The following CFAP61 variants were observed in gnomAD, a reference collection of about 807,000 sequenced individuals.
CFAP61 encodes cilia and flagella associated protein 61.
Under a neutral mutation model 135.6 loss-of-function variants are expected in CFAP61, and 107 were observed. That is an observed-to-expected ratio of 0.79 (90% CI 0.67 to 0.93). The LOEUF (loss-of-function observed/expected upper bound fraction) is 0.93, where lower values mean the gene tolerates loss of function less well. CFAP61 is among the 40% of genes least tolerant of loss of function. The pLI, the probability that CFAP61 is intolerant of heterozygous loss-of-function variation, is 0.00. For synonymous variants in CFAP61, 575 were observed against 578.5 expected (o/e 0.99, Z 0.09); for missense variants, 1,507 against 1,556.2 (o/e 0.97, Z 0.53).
intron 8 of CFAP61, among the ~76,000 whole-genome samples, chr20:20,121,282 T>A (rs1261067811): frequency 6.6e-6 from 1 of 151,512 alleles, no homozygotes; most frequent in African/African-American, 2.4e-5. Flanking sequence ...ATTTTTTTTT[T>A]ATTTTTAGTA....
At chr20:20,268,479 A>T (rs1221084432) in intron 21 of CFAP61, among the ~76,000 whole-genome samples, 1 of 152,234 alleles carries the variant, frequency 6.6e-6, no homozygotes, top group African/African-American at 2.4e-5. Context: ...TCCTTCCCAC[A>T]GTCACTGTTG....
intron 8 of CFAP61, among the ~76,000 whole-genome samples, chr20:20,123,216 A>G (rs6046640): frequency 0.62 from 93,229 of 151,318 alleles, 29,187 homozygotes; most frequent in East Asian, 0.83. Context: ...CCCTCTCTGT[A>G]GGTTGTCTGT....
At chr20:20,327,172 T>C (rs2057781287) in intron 25 of CFAP61, among the ~76,000 whole-genome samples, 1 of 152,202 alleles carries the variant, frequency 6.6e-6, no homozygotes, top group Admixed American at 6.5e-5. Context: ...TTGGAATTTC[T>C]TTGACAGATG....
At chr20:20,357,925 G>A (rs2059304911) in intron 26 of CFAP61, among the ~76,000 whole-genome samples, 1 of 133,418 alleles carries the variant, frequency 7.5e-6, no homozygotes, top group East Asian at 2.4e-4. Context: ...GAGGGGAGGT[G>A]GTCACACTGA....
In CFAP61 at chr20:20,056,783, A is replaced by G. The variant is rs1185075126; in HGVS notation, c.130A>G (p.Ile44Val). ...FTCKLFGKLN[I>V]IYLLEKANLA... is the part of the protein sequence containing the mutation. ...CTGCAAGCTGTTTGGGAAGCTAAAT[A>G]TCATCTATCTTCTGTAAGTAGATAA... Residue 44 changes from isoleucine (I) to valine (V), a missense_variant, in exon 2 of 27, where the codon ATC becomes GTC. Coordinates refer to ENST00000245957, the MANE Select transcript of CFAP61 (RefSeq NM_015585.4). The G allele has an allele frequency of 6.2e-7, 1 of 1,613,960 alleles. No individual in the cohort carries two copies. The highest frequency in any genetic ancestry group is 1.1e-5 in the South Asian group (1 of 91,086).
At position 20,174,316 on chromosome 20, in the gene CFAP61, G is replaced by C. The variant is rs561569149; in HGVS notation, c.1385+4856G>C. On this transcript the variant is annotated intron_variant, in intron 13 of 26. Transcript: ENST00000245957. ...GTTTCCCTGCCTGTGCACCTCTGTAGCTTCTCTGAGTGCCATGGTTGTGTC... is the reference window on the plus strand; with the variant it reads ...GTTTCCCTGCCTGTGCACCTCTGTACCTTCTCTGAGTGCCATGGTTGTGTC... 5.8e-4 allele frequency among the ~76,000 whole-genome samples: 89 copies of C among 152,256 alleles called. 1 individual carries two copies. Among genetic ancestry groups the C allele is most frequent in the African/African-American group, 2.1e-3 (87 of 41,554 alleles).
intron 21 of CFAP61, among the ~76,000 whole-genome samples, chr20:20,274,652 T>C (rs1436606964): frequency 6.6e-6 from 1 of 151,970 alleles, no homozygotes; most frequent in Non-Finnish European, 1.5e-5. Flanking sequence ...CAGGCGAGAC[T>C]CTGTCTCGAA....
At chr20:20,303,803 C>T (rs150667956) in intron 25 of CFAP61, among the ~76,000 whole-genome samples, 11 of 152,210 alleles carry the variant, frequency 7.2e-5, no homozygotes, top group Admixed American at 2.6e-4. Flanking sequence ...CCGCTGCTGC[C>T]GGGAGGGCTG....
chr20:20,203,194 A>G (rs1018506467), intron 17 of CFAP61, among the ~76,000 whole-genome samples: 5 of 152,216 alleles, frequency 3.3e-5, no homozygotes, highest in East Asian at 1.9e-4. Context: ...CCTAGAAAAC[A>G]TAAATGATTT....
chr20:20,262,783 G>A (rs966782863), intron 20 of CFAP61, among the ~76,000 whole-genome samples, 173 bp from the exon 21 acceptor site: 3 of 145,090 alleles, frequency 2.1e-5, no homozygotes, highest in African/African-American at 7.8e-5. Flanking sequence ...GTTTCTAGGT[G>A]CTCTTTCCAC....
In CFAP61 at chr20:20,360,689, G is replaced by A; in HGVS notation, c.*279G>A. On this transcript the variant is annotated 3_prime_UTR_variant, in exon 27 of 27. Transcript: ENST00000245957. Reference sequence around the variant, plus strand: ...ATTTCAGCAATAAAATGAGATCATAGTGTGTAAAACTTGTTTTTACCTTGG... The same window carrying A: ...ATTTCAGCAATAAAATGAGATCATAATGTGTAAAACTTGTTTTTACCTTGG... 2.3e-6 allele frequency: 1 copy of A among 435,170 alleles called. No homozygotes were observed. Among genetic ancestry groups the A allele is most frequent in the Non-Finnish European group, 4.1e-6 (1 of 245,776 alleles). 27.0% of individuals were successfully genotyped at this position (435,170 alleles called of 1,614,324 possible). A position where few individuals can be genotyped will look rare whatever the true frequency, so the allele number is the denominator to read the frequency against.
At chr20:20,200,903 G>A (rs547099971) in intron 17 of CFAP61, 1,390 of 985,344 alleles carry the variant, frequency 1.4e-3, no homozygotes, top group Middle Eastern at 2.1e-3. Flanking sequence ...TGCACTGAGG[G>A]ATGGGGAGGG....
intron 18 of CFAP61, among the ~76,000 whole-genome samples, chr20:20,243,208 G>A (rs1226611865): frequency 5.3e-5 from 8 of 152,074 alleles, no homozygotes; most frequent in East Asian, 1.9e-4. Flanking sequence ...ATCAGATCTC[G>A]TGAGACTAAT....
chr20:20,314,246 A>G (rs867959312), intron 25 of CFAP61, among the ~76,000 whole-genome samples: 85 of 145,656 alleles, frequency 5.8e-4, no homozygotes, highest in African/African-American at 1.9e-3. Flanking sequence ...AAAAATTAGC[A>G]GGGTGTCTTG....
chr20:20,125,683 G>A lies in CFAP61; in HGVS notation c.860-17174G>A, dbSNP rs2050014925. ...GTCCATGTGCTATTGAATAGAATGT[G>A]CATTCTGTAGTTGTTGGATGAAATG... On this transcript the variant is annotated intron_variant, in intron 8 of 26. Coordinates refer to ENST00000245957, the MANE Select transcript of CFAP61 (RefSeq NM_015585.4). 1.3e-5 allele frequency among the ~76,000 whole-genome samples: 2 copies of A among 151,754 alleles called. 1 individual carries two copies. The highest frequency in any genetic ancestry group is 4.9e-5 in the African/African-American group (2 of 41,072).
intron 26 of CFAP61, 34 bp downstream of exon 26, chr20:20,341,955 T>A (rs1478295444): frequency 3.5e-6 from 5 of 1,427,806 alleles, no homozygotes; most frequent in Admixed American, 1.8e-5. Context: ...GGATTATTCC[T>A]TGCAAATTAT....
chr20:20,182,046 G>T (rs2055140310), intron 13 of CFAP61, among the ~76,000 whole-genome samples: 1 of 152,206 alleles, frequency 6.6e-6, no homozygotes, highest in Non-Finnish European at 1.5e-5. Context: ...GCCTAAGTCG[G>T]TACATAATCA....
At chr20:20,109,319 T>C (rs1414728726) in intron 8 of CFAP61, among the ~76,000 whole-genome samples, 1 of 152,218 alleles carries the variant, frequency 6.6e-6, no homozygotes, top group African/African-American at 2.4e-5. Context: ...CTGTATTAGC[T>C]CTACCCTGAT....
chr20:20,196,515 G>A, intron 15 of CFAP61, 55 bp from the exon 16 acceptor site: 4 of 1,285,360 alleles, frequency 3.1e-6, no homozygotes, highest in Non-Finnish European at 4.5e-6. Flanking sequence ...ATCACAAAAT[G>A]CATGCCGTTT....
Sources: allele counts gnomAD v4.1 joint callset (sites outside exome capture counted in the v4.1 genomes callset), GRCh38; gene constraint gnomAD v4.1.1; transcripts MANE v1.5; gene names NCBI Gene and HGNC (gene_info 2026-07-23, HGNC 2026-07-21).